RUNX2: variants seen among roughly 807,000 people sequenced by gnomAD.
RUNX2 encodes the protein RUNX family transcription factor 2.
RUNX2 carries 10 observed loss-of-function variants against 51.7 expected under a neutral mutation model. The ratio of observed to expected loss-of-function variants is 0.19; its 90% CI spans 0.12 to 0.33. The LOEUF (loss-of-function observed/expected upper bound fraction) is 0.33. RUNX2 is among the 10% of genes least tolerant of loss of function. The pLI, the probability that RUNX2 is intolerant of heterozygous loss-of-function variation, is 1.00. For synonymous variants in RUNX2, 276 were observed against 273.6 expected, an observed-to-expected ratio of 1.01 and a Z score of -0.09; for missense variants, 562 against 691.3, an observed-to-expected ratio of 0.81 and a Z score of 2.10.
chr6:45,533,426 TA>T (rs11311680), intron 7 of RUNX2, among the ~76,000 whole-genome samples: 96,430 of 152,038 alleles, frequency 0.63, 31,666 homozygotes, highest in African/African-American at 0.82. Context: ...TGTCCATTGT[TA>T]AAAAGAGAGT....
chr6:45,438,755 C>T (rs1563086978), intron 5 of RUNX2, among the ~76,000 whole-genome samples: 2 of 152,082 alleles, frequency 1.3e-5, no homozygotes, highest in South Asian at 2.1e-4. Context: ...CTAAAATGAC[C>T]GAGGTTTGCT....
intron 5 of RUNX2, among the ~76,000 whole-genome samples, chr6:45,453,634 C>A (rs1015208397): frequency 6.6e-6 from 1 of 152,164 alleles, no homozygotes; most frequent in South Asian, 2.1e-4. Flanking sequence ...GGACACATGG[C>A]CATGATAATG....
rs34672680 is a variant in RUNX2, at chr6:45,414,754, C to CTTTTTTTTT, written c.59-7817_59-7809dup. On this transcript the variant is annotated intron_variant, in intron 2 of 8. Transcript: ENST00000647337. The stretch of plus-strand genomic sequence containing the variant: ...ATCTCTCCACCTTCCCAGATCCTGG[C>CTTTTTTTTT]TTTTTTTTTTTTTTTTTTTTTTTTT... Among the ~76,000 whole-genome samples, 7 of 33,448 alleles carry CTTTTTTTTT rather than the reference C, an allele frequency of 2.1e-4. 1 individual carries two copies. The highest frequency in any genetic ancestry group is 2.4e-3 in the East Asian group (2 of 830). The allele number at this position is 33,448 out of a possible 152,430, so 21.9% of individuals were successfully genotyped here. A position where few individuals can be genotyped will look rare whatever the true frequency, so the allele number is the denominator to read the frequency against.
intron 6 of RUNX2, among the ~76,000 whole-genome samples, chr6:45,502,173 G>T (rs115383367): frequency 0.016 from 2,485 of 152,196 alleles, 72 homozygotes; most frequent in African/African-American, 0.057. Context: ...CATGTTGTGG[G>T]ATGTCATTTA....
chr6:45,472,358 A>G (rs1339267482), intron 5 of RUNX2, among the ~76,000 whole-genome samples: 8 of 152,192 alleles, frequency 5.3e-5, no homozygotes, highest in African/African-American at 1.9e-4. Context: ...GCAAAGTTTC[A>G]GTCAGATGTA....
chr6:45,409,589 G>GT (rs1347370683), intron 2 of RUNX2, among the ~76,000 whole-genome samples: 5 of 152,146 alleles, frequency 3.3e-5, no homozygotes, highest in Admixed American at 1.3e-4. Flanking sequence ...TTATTTCGAG[G>GT]TTTTTTCCCC....
At chr6:45,373,675 T>C (rs1462496238) in intron 2 of RUNX2, among the ~76,000 whole-genome samples, 1 of 152,084 alleles carries the variant, frequency 6.6e-6, no homozygotes, top group Admixed American at 6.5e-5. Flanking sequence ...CTCAGCCTCC[T>C]GAGTACCTGG....
chr6:45,377,580 C>T (rs1425450879), intron 2 of RUNX2, among the ~76,000 whole-genome samples: 1 of 152,134 alleles, frequency 6.6e-6, no homozygotes, highest in African/African-American at 2.4e-5. Context: ...CCAGCGCCTC[C>T]CACAGCCGCC....
chr6:45,385,004 A>C (rs918257362), intron 2 of RUNX2, among the ~76,000 whole-genome samples: 1 of 151,990 alleles, frequency 6.6e-6, no homozygotes, highest in African/African-American at 2.4e-5. Flanking sequence ...TGCCCAGCCT[A>C]TTTTTTCTTA....
intron 2 of RUNX2, among the ~76,000 whole-genome samples, chr6:45,402,604 C>A (rs1172826812): frequency 1.3e-5 from 2 of 152,166 alleles, no homozygotes; most frequent in Non-Finnish European, 2.9e-5. Context: ...CGGTGGCTCA[C>A]ACCTGTAATC....
intron 6 of RUNX2, among the ~76,000 whole-genome samples, chr6:45,494,298 A>AG (rs1307451314): frequency 6.6e-6 from 1 of 152,134 alleles, no homozygotes; most frequent in Non-Finnish European, 1.5e-5. Context: ...CTTCCCTGTT[A>AG]GGGGGCTCAG....
rs527781993 is a variant in RUNX2, at chr6:45,453,549, G to C, written c.685+15498G>C. Among the ~76,000 whole-genome samples the C allele has an allele frequency of 1.2e-3, 181 of 152,318 alleles. 1 individual carries two copies. The highest frequency in any genetic ancestry group is 1.6e-3 in the Non-Finnish European group (112 of 68,040). On this transcript the variant is annotated intron_variant, in intron 5 of 8. Transcript: ENST00000647337. ...GACTTTACTTAAGACTTATAAACCA[G>C]TCTCCCTTTCCTTAAGAGGTACTGT...
intron 6 of RUNX2, among the ~76,000 whole-genome samples, chr6:45,505,923 G>A (rs915373537): frequency 6.6e-6 from 1 of 152,212 alleles, no homozygotes; most frequent in African/African-American, 2.4e-5. Flanking sequence ...TGCCTCGGTT[G>A]AAACACATGC....
rs116199627 is a variant in RUNX2 at position 45,440,154 on chromosome 6, C to T, written c.685+2103C>T. Among the ~76,000 whole-genome samples, 257 of 152,306 alleles carry T rather than the reference C, an allele frequency of 1.7e-3. 1 individual carries two copies. Among genetic ancestry groups the T allele is most frequent in the African/African-American group, 5.7e-3 (238 of 41,570 alleles). Reference sequence around the variant, plus strand: ...TGAAAATGCGGGGTCATTTTCCTGACATCATAGGGTGACTTGACGAAGTCA... The same window carrying T: ...TGAAAATGCGGGGTCATTTTCCTGATATCATAGGGTGACTTGACGAAGTCA... On this transcript the variant is annotated intron_variant, in intron 5 of 8. Coordinates refer to ENST00000647337, the MANE Select transcript of RUNX2 (RefSeq NM_001024630.4).
chr6:45,331,314 G>A (rs1787463947), intron 2 of RUNX2, among the ~76,000 whole-genome samples: 2 of 151,976 alleles, frequency 1.3e-5, no homozygotes, highest in African/African-American at 4.8e-5. Flanking sequence ...AATGACTCAT[G>A]AAAATATATC....
chr6:45,423,584 C>A (rs1381452269), intron 3 of RUNX2, among the ~76,000 whole-genome samples: 1 of 151,398 alleles, frequency 6.6e-6, no homozygotes, highest in Non-Finnish European at 1.5e-5. Context: ...GGTGCCGGTG[C>A]CGGGCATTAG....
intron 2 of RUNX2, among the ~76,000 whole-genome samples, chr6:45,345,239 A>T (rs1244648609): frequency 6.6e-6 from 1 of 152,170 alleles, no homozygotes; most frequent in East Asian, 1.9e-4. Context: ...TGTTCACTTG[A>T]TTGTTAAAGA....
At position 45,328,455 on chromosome 6, in the gene RUNX2, G is replaced by A; in HGVS notation, c.-72G>A. On this transcript the variant is annotated 5_prime_UTR_variant, in exon 1 of 9. Coordinates refer to ENST00000647337, the MANE Select transcript of RUNX2 (RefSeq NM_001024630.4). ...TCACTACCAGCCACCGAGACCAACA[G>A]AGTCAGTGAGTGCTCTCTAACCACA... is the stretch of plus-strand genomic sequence containing the variant. 12 of 1,468,720 alleles carry A rather than the reference G, an allele frequency of 8.2e-6. No individual in the cohort carries two copies. The highest frequency in any genetic ancestry group is 3.2e-5 in the East Asian group (1 of 31,586). 91.0% of individuals were successfully genotyped at this position (1,468,720 alleles called of 1,614,324 possible). A position where few individuals can be genotyped will look rare whatever the true frequency, so the allele number is the denominator to read the frequency against.
Position 45,364,208 on chromosome 6 carries a change from A to G in RUNX2, c.58+35424A>G, listed in dbSNP as rs182788623. On this transcript the variant is annotated intron_variant, in intron 2 of 8. Coordinates refer to ENST00000647337, the MANE Select transcript of RUNX2 (RefSeq NM_001024630.4). ...TATTCTTCAGGATCTTCAATGATTA[A>G]AAGTATAAAAGGATCCTAAGGCCAA... Among the ~76,000 whole-genome samples the G allele has an allele frequency of 5.9e-3, 905 of 152,266 alleles. 16 individuals carry two copies. Among genetic ancestry groups the G allele is most frequent in the African/African-American group, 0.021 (857 of 41,566 alleles).
Sources: gnomAD v4.1 joint callset for allele counts (sites outside exome capture counted in the v4.1 genomes callset) on GRCh38, gnomAD v4.1.1 for gene constraint, MANE v1.5 for transcripts, NCBI Gene and HGNC (gene_info 2026-07-23, HGNC 2026-07-21) for gene names.